Variants in LRRC43 observed in about 807,000 individuals in gnomAD.
LRRC43 encodes the protein leucine-rich repeat-containing protein 43.
A neutral mutation model predicts 64.3 loss-of-function variants in LRRC43; 62 were observed. The ratio of observed to expected loss-of-function variants is 0.96; its 90% CI spans 0.79 to 1.19. LRRC43 has a LOEUF of 1.19. LRRC43 is among the 50% of genes most tolerant of loss of function. LRRC43 has a pLI of 0.00. For synonymous variants in LRRC43, 422 were observed against 382.3 expected, an observed-to-expected ratio of 1.10 and a Z score of -1.21; for missense variants, 868 against 845.0, an observed-to-expected ratio of 1.03 and a Z score of -0.34.
In LRRC43 at chr12:122,200,753, AGGT is replaced by A; in HGVS notation, c.1630_1632del (p.Val544del). Reference sequence around the variant, plus strand: ...GTCCTCCCGTCGTCGCAGGAGTGGAAGGTGCTGAAGAAGAAGAAAGAGCCGCCC... The same window carrying A: ...GTCCTCCCGTCGTCGCAGGAGTGGAAGCTGAAGAAGAAGAAAGAGCCGCCC... On this transcript the variant is annotated inframe_deletion, in exon 10 of 12. Transcript: ENST00000339777. The surrounding 1 kb of genome is among the most constrained non-coding windows in gnomAD (Gnocchi z 4.6). The A allele has an allele frequency of 1.2e-6, 2 of 1,613,034 alleles. No individual in the cohort carries two copies. Among genetic ancestry groups the A allele is most frequent in the Non-Finnish European group, 8.5e-7 (1 of 1,179,990 alleles).
At position 122,186,239 on chromosome 12, in the gene LRRC43, T is replaced by C; in HGVS notation, c.461T>C (p.Leu154Ser). The part of the protein sequence containing the change: ...DLLKFLKLEE[L>S]VLSANRIKEV... ...CTGAAATTTCTAAAGCTGGAGGAGT[T>C]GGTACTGAGCGCCAATCGAATCAAG... The change falls in exon 3 of 12, where the codon TTG (leucine) becomes TCG (serine). Residue 154 changes from leucine (L) to serine (S), a missense_variant. Transcript: ENST00000339777. 1.2e-6 allele frequency: 2 copies of C among 1,606,774 alleles called. No homozygotes were observed. Among genetic ancestry groups the C allele is most frequent in the Non-Finnish European group, 1.7e-6 (2 of 1,176,952 alleles).
At chr12:122,172,490 A>C (rs750146118) in intron 1 of LRRC43, 74 of 1,614,012 alleles carry the variant, frequency 4.6e-5, no homozygotes, top group Non-Finnish European at 6.2e-5. Flanking sequence ...GTTGAGAAAT[A>C]GTCAGGATGA....
Position 122,198,623 on chromosome 12 carries a change from CTTTTTTTTTTTT to C in LRRC43, c.1350-1554_1350-1543del, listed in dbSNP as rs1012460173. Among the ~76,000 whole-genome samples, 4 of 100,494 alleles carry C rather than the reference CTTTTTTTTTTTT, an allele frequency of 4.0e-5. No homozygotes were observed. In the East Asian group the frequency reaches 7.6e-4, roughly 19 times the overall value. 65.9% of individuals were successfully genotyped at this position (100,494 alleles called of 152,430 possible). ...TGTAATAAGTATCAGTGCTTCATTC[CTTTTTTTTTTTT>C]TTTTTTTTTTTGAGATGGGGTTTCA... is the stretch of plus-strand genomic sequence containing the variant. On this transcript the variant is annotated intron_variant, in intron 7 of 11. Transcript: ENST00000339777.
intron 4 of LRRC43, chr12:122,189,448 A>G (rs1953687474): frequency 2.2e-6 from 1 of 456,534 alleles, no homozygotes; most frequent in African/African-American, 2.0e-5. Flanking sequence ...TGCTGTGCTG[A>G]CAGCGGCCGC....
chr12:122,188,028 G>A (rs539088437), intron 4 of LRRC43, 188 bp downstream of exon 4: 2 of 590,624 alleles, frequency 3.4e-6, no homozygotes, highest in African/African-American at 3.7e-5. Flanking sequence ...AAAAGCCCGG[G>A]GAAGGAGAAC....
At chr12:122,186,093 C>T in intron 2 of LRRC43, 97 bp from the exon 3 acceptor site, 2 of 705,968 alleles carry the variant, frequency 2.8e-6, no homozygotes, top group South Asian at 3.3e-5. Flanking sequence ...GGAAGTAACT[C>T]TGATGGAGGA....
In LRRC43 at chr12:122,184,774, A is replaced by G. The variant is rs1350958652; in HGVS notation, c.406A>G (p.Lys136Glu). Residue 136 changes from lysine to glutamate, a missense_variant, in exon 2 of 12, where the codon AAG becomes GAG. Physicochemically the swap from Lys to Glu is moderately conservative, Grantham distance 56 (BLOSUM62 1). Transcript: ENST00000339777. This position sits in a 1 kb window ranked among gnomAD's most constrained non-coding sequence, Gnocchi z 4.0. Reference protein sequence around the residue: ...SYFRSLRVIDKKVTLVDKDLL... With the variant: ...SYFRSLRVIDEKVTLVDKDLL... Reference sequence around the variant, plus strand: ...CTTCCGGTCCCTGCGGGTAATAGACAAGAAGGTCAGTGCTGGGCACGTGGT... The same window carrying G: ...CTTCCGGTCCCTGCGGGTAATAGACGAGAAGGTCAGTGCTGGGCACGTGGT... 1 of 1,599,438 alleles carries G rather than the reference A, an allele frequency of 6.3e-7. No homozygotes were observed. The highest frequency in any genetic ancestry group is 2.3e-5 in the East Asian group (1 of 44,362).
intron 1 of LRRC43, chr12:122,174,079 T>C: frequency 6.2e-7 from 1 of 1,613,742 alleles, no homozygotes; most frequent in Non-Finnish European, 8.5e-7. Context: ...GAGCCAACCC[T>C]GGGGGTAGTG....
intron 11 of LRRC43, 95 bp from the exon 12 acceptor site, chr12:122,203,220 A>G (rs752694259): frequency 2.9e-6 from 4 of 1,376,564 alleles, no homozygotes; most frequent in Non-Finnish European, 3.9e-6. Context: ...CCGCTGGGAC[A>G]GGGTCCAGGG....
rs533758868 is a variant in LRRC43 at position 122,200,206 on chromosome 12, C to T, written c.1367C>T (p.Thr456Ile). The change falls in exon 8 of 12, where the codon ACT (threonine) becomes ATT (isoleucine). Residue 456 changes from threonine (T) to isoleucine (I), a missense_variant. By Grantham distance (89) the Thr-to-Ile change is moderately conservative. Coordinates refer to ENST00000339777, the MANE Select transcript of LRRC43 (RefSeq NM_001098519.2). The surrounding 1 kb of genome is among the most constrained non-coding windows in gnomAD (Gnocchi z 4.6). ...CPSPGTVLFS[T>I]AHKPWAEVIP... ...TCCCCAAGGACTGTCCTCTTCAGCA[C>T]TGCCCACAAGCCCTGGGCTGAGGTC... is the stretch of plus-strand genomic sequence containing the variant. The T allele has an allele frequency of 1.9e-6, 3 of 1,614,020 alleles. No individual in the cohort carries two copies. In the East Asian group the frequency reaches 6.7e-5, roughly 36 times the overall value.
chr12:122,190,614 G>A (rs535202639), intron 5 of LRRC43, among the ~76,000 whole-genome samples: 1 of 152,302 alleles, frequency 6.6e-6, no homozygotes, highest in East Asian at 1.9e-4. Context: ...TGTAATCCCA[G>A]CATTTTGGGA....
rs940356055 is a variant in LRRC43 at position 122,200,995 on chromosome 12, G to A, written c.1809+61G>A. 2.0e-5 allele frequency: 30 copies of A among 1,522,248 alleles called. No individual in the cohort carries two copies. The highest frequency in any genetic ancestry group is 1.8e-4 in the Middle Eastern group (1 of 5,426). 94.3% of individuals were successfully genotyped at this position (1,522,248 alleles called of 1,614,324 possible). ...CCTTCGCCCTCCCCATGGGAACCCC[G>A]CGGGCAAGCAAGGGCTGTGGGCCCA... On this transcript the variant is annotated intron_variant, in intron 10 of 11. Coordinates refer to ENST00000339777, the MANE Select transcript of LRRC43 (RefSeq NM_001098519.2). The surrounding 1 kb of genome is among the most constrained non-coding windows in gnomAD (Gnocchi z 4.6).
Position 122,184,750 on chromosome 12 carries a change from T to G in LRRC43, c.382T>G (p.Phe128Val), listed in dbSNP as rs760408826. The G allele has an allele frequency of 1.2e-6, 2 of 1,609,780 alleles. No homozygotes were observed. The highest frequency in any genetic ancestry group is 2.2e-5 in the South Asian group (2 of 90,352). ...CACAGACACCTTCTTCTACTCCTAC[T>G]TCCGGTCCCTGCGGGTAATAGACAA... Reference protein sequence around the residue: ...TITDTFFYSYFRSLRVIDKKV... With the variant: ...TITDTFFYSYVRSLRVIDKKV... The change falls in exon 2 of 12, where the codon TTC (phenylalanine) becomes GTC (valine). Residue 128 changes from phenylalanine to valine, a missense_variant. By Grantham distance (50) the Phe-to-Val change is conservative. Transcript: ENST00000339777. This position sits in a 1 kb window ranked among gnomAD's most constrained non-coding sequence, Gnocchi z 4.0.
At chr12:122,195,516 C>G (rs1953765775) in intron 7 of LRRC43, among the ~76,000 whole-genome samples, 1 of 152,202 alleles carries the variant, frequency 6.6e-6, no homozygotes, top group Non-Finnish European at 1.5e-5. Context: ...GCTGAGATTA[C>G]AGGTGTGAGC....
At chr12:122,172,799 A>T in intron 1 of LRRC43, 3 of 1,343,940 alleles carry the variant, frequency 2.2e-6, no homozygotes, top group Non-Finnish European at 3.1e-6. Flanking sequence ...GCAAGTCTTA[A>T]CAGTGAATGT....
chr12:122,183,003 C>T (rs980836256), upstream of LRRC43: 34 of 1,309,844 alleles, frequency 2.6e-5, no homozygotes, highest in East Asian at 1.5e-4. Flanking sequence ...TAGATGAGGG[C>T]AGAAGAGAAA....
chr12:122,180,969 A>G (rs1230433710), upstream of LRRC43, among the ~76,000 whole-genome samples: 1 of 151,886 alleles, frequency 6.6e-6, no homozygotes, highest in African/African-American at 2.4e-5. Context: ...TGATCTCAGC[A>G]CTTTGGGAGG....
chr12:122,189,456 C>G, intron 4 of LRRC43: 1 of 456,688 alleles, frequency 2.2e-6, no homozygotes, highest in Non-Finnish European at 4.4e-6. Flanking sequence ...TGACAGCGGC[C>G]GCTTGTGTTT....
chr12:122,192,531 C>T (rs1479016671), intron 6 of LRRC43, among the ~76,000 whole-genome samples: 3 of 152,228 alleles, frequency 2.0e-5, no homozygotes, highest in African/African-American at 7.2e-5. Context: ...CTCCTCCTCC[C>T]ACATAGAAGT....
Sources: allele counts gnomAD v4.1 joint callset (sites outside exome capture counted in the v4.1 genomes callset), GRCh38; gene constraint gnomAD v4.1.1; non-coding constraint Gnocchi (gnomAD v3.1); transcripts MANE v1.5; gene names NCBI Gene and HGNC (gene_info 2026-07-23, HGNC 2026-07-21).